FAM184A: variants seen among roughly 807,000 people sequenced by gnomAD.
FAM184A encodes the protein protein FAM184A.
Under a neutral mutation model 143.8 loss-of-function variants are expected in FAM184A, and 99 were observed. The observed-to-expected ratio is 0.69, with a 90% CI of 0.58 to 0.81. The LOEUF is 0.81. Ranked by LOEUF, FAM184A falls within the 40% of genes least tolerant of loss-of-function variation. The pLI is 0.00. For synonymous variants in FAM184A, 427 were observed against 446.4 expected (o/e 0.96, Z 0.55); for missense variants, 1,217 against 1,310.5 (o/e 0.93, Z 1.10).
chr6:119,102,694 G>A (rs1211933538), intron 1 of FAM184A, among the ~76,000 whole-genome samples: 1 of 146,040 alleles, frequency 6.8e-6, no homozygotes, highest in Non-Finnish European at 1.5e-5. Context: ...GGAGGCTGAG[G>A]CAGGAGAATC....
chr6:118,974,928 C>T, intron 13 of FAM184A, 96 bp downstream of exon 13: 1 of 931,134 alleles, frequency 1.1e-6, no homozygotes, highest in Non-Finnish European at 1.6e-6. Flanking sequence ...ACTAGAGAGC[C>T]AGTCTAGTCA....
chr6:119,108,302 A>G (rs1317489806), intron 1 of FAM184A, among the ~76,000 whole-genome samples: 1 of 152,058 alleles, frequency 6.6e-6, no homozygotes, highest in Non-Finnish European at 1.5e-5. Context: ...GTTGAATGAG[A>G]TTGGAGCACC....
chr6:118,960,324 C>G (rs780603850), intron 17 of FAM184A, 140 bp from the exon 18 acceptor site: 2 of 634,610 alleles, frequency 3.2e-6, no homozygotes, highest in Admixed American at 2.9e-5. Context: ...TTTGCTACCC[C>G]CTCTATACTA....
At chr6:119,129,720 G>T (rs777944956) in intron 1 of FAM184A, among the ~76,000 whole-genome samples, 3 of 124,994 alleles carry the variant, frequency 2.4e-5, no homozygotes, top group Admixed American at 8.1e-5. Flanking sequence ...TTGTGTGTGT[G>T]TGTGGGGGGT....
At chr6:119,112,241 C>T (rs897064142) in intron 1 of FAM184A, among the ~76,000 whole-genome samples, 4 of 151,926 alleles carry the variant, frequency 2.6e-5, no homozygotes, top group Admixed American at 6.6e-5. Flanking sequence ...AAGCAATTCT[C>T]CTGCCTCAGC....
At chr6:119,033,479 C>T (rs1219326479) in intron 1 of FAM184A, among the ~76,000 whole-genome samples, 1 of 151,758 alleles carries the variant, frequency 6.6e-6, no homozygotes, top group Non-Finnish European at 1.5e-5. Context: ...GCCTGGTCAA[C>T]ATGGTGAAAC....
intron 6 of FAM184A, among the ~76,000 whole-genome samples, chr6:119,007,460 G>A (rs190153343): frequency 6.6e-6 from 1 of 151,806 alleles, no homozygotes; most frequent in Non-Finnish European, 1.5e-5. Context: ...CTCTATGCAG[G>A]TATATGCTCT....
At chr6:119,045,593 C>T (rs1310684669) in intron 1 of FAM184A, among the ~76,000 whole-genome samples, 1 of 152,094 alleles carries the variant, frequency 6.6e-6, no homozygotes, top group East Asian at 1.9e-4. Flanking sequence ...GGCAGAAGAA[C>T]AGTGGAGAGG....
At chr6:119,052,860 T>A (rs1293752103) in intron 1 of FAM184A, among the ~76,000 whole-genome samples, 1 of 152,230 alleles carries the variant, frequency 6.6e-6, no homozygotes, top group Non-Finnish European at 1.5e-5. Flanking sequence ...GGTACCCCAA[T>A]ATAATGAATC....
chr6:119,073,849 T>C (rs1387465215), intron 1 of FAM184A, among the ~76,000 whole-genome samples: 1 of 152,188 alleles, frequency 6.6e-6, no homozygotes, highest in Non-Finnish European at 1.5e-5. Context: ...CTAGCAGAGT[T>C]TGTGCAAAGA....
upstream of FAM184A, chr6:119,078,691 C>T: frequency 6.2e-6 from 1 of 160,116 alleles, no homozygotes; most frequent in Non-Finnish European, 1.4e-5. The surrounding 1 kb of genome is among the most constrained non-coding windows in gnomAD (Gnocchi z 5.5). Flanking sequence ...ACGGGGCGGG[C>T]TGCGGCGGGG....
intron 1 of FAM184A, among the ~76,000 whole-genome samples, chr6:119,040,933 G>A (rs1372050128): frequency 6.6e-6 from 1 of 152,166 alleles, no homozygotes; most frequent in Non-Finnish European, 1.5e-5. Context: ...GTGAACAAAT[G>A]TTGCACTCTT....
At chr6:119,087,582 A>G (rs897005303) in intron 1 of FAM184A, among the ~76,000 whole-genome samples, 13 of 152,234 alleles carry the variant, frequency 8.5e-5, no homozygotes, top group Admixed American at 8.5e-4. Context: ...AAAACAAAAC[A>G]AACCCAAACA....
intron 17 of FAM184A, chr6:118,960,917 G>T: frequency 1.1e-6 from 1 of 944,164 alleles, no homozygotes; most frequent in Non-Finnish European, 1.5e-6. Context: ...TTTAGCAGGA[G>T]ACAAATTCAG....
Position 119,078,003 on chromosome 6 carries a change from G to A in FAM184A, c.159+138C>T. On this transcript the variant is annotated intron_variant, in intron 1 of 17. Coordinates refer to ENST00000338891, the MANE Select transcript of FAM184A (RefSeq NM_024581.6). This position sits in a 1 kb window ranked among gnomAD's most constrained non-coding sequence, Gnocchi z 5.5. ...CACCAAAGTTTGCAGGGTTTTGGAG[G>A]TGTCTCCGGCTGTTGCTTCGGCGGA... is the stretch of plus-strand genomic sequence containing the variant. The A allele has an allele frequency of 1.0e-6, 1 of 991,328 alleles. No individual in the cohort carries two copies. The highest frequency in any genetic ancestry group is 1.4e-6 in the Non-Finnish European group (1 of 694,174). 61.4% of individuals were successfully genotyped at this position (991,328 alleles called of 1,614,324 possible).
intron 1 of FAM184A, among the ~76,000 whole-genome samples, chr6:119,074,629 C>G (rs1477044216): frequency 6.6e-6 from 1 of 152,092 alleles, no homozygotes; most frequent in African/African-American, 2.4e-5. Flanking sequence ...ATAATTACAT[C>G]CCACAAGGCC....
At chr6:118,985,779 A>G (rs1784172972) in intron 9 of FAM184A, among the ~76,000 whole-genome samples, 1 of 152,236 alleles carries the variant, frequency 6.6e-6, no homozygotes, top group Non-Finnish European at 1.5e-5. Flanking sequence ...TTTCAAATAT[A>G]TAAAACATTA....
chr6:119,020,124 G>T lies in FAM184A; in HGVS notation c.1186C>A (p.Gln396Lys). Reference protein sequence around the residue: ...IGMLQATQMTQEVTIKDLESE... With the variant: ...IGMLQATQMTKEVTIKDLESE... ...TCTAAATCTTTAATTGTAACTTCCTGGGTCATTTGAGTTGCTTGAAGCATT... is the reference window on the plus strand; with the variant it reads ...TCTAAATCTTTAATTGTAACTTCCTTGGTCATTTGAGTTGCTTGAAGCATT... Residue 396 changes from glutamine (Q) to lysine (K), a missense_variant, in exon 4 of 18, where the codon CAG (glutamine) becomes AAG (lysine). Transcript: ENST00000338891. 6.3e-7 allele frequency: 1 copy of T among 1,599,812 alleles called. No individual in the cohort carries two copies.
chr6:119,042,776 T>C (rs1385168186), intron 1 of FAM184A, among the ~76,000 whole-genome samples: 1 of 152,192 alleles, frequency 6.6e-6, no homozygotes, highest in Non-Finnish European at 1.5e-5. Flanking sequence ...TGTGTCAATG[T>C]AGGTCTAATG....
Sources: allele counts gnomAD v4.1 joint callset (sites outside exome capture counted in the v4.1 genomes callset), GRCh38; gene constraint gnomAD v4.1.1; non-coding constraint Gnocchi (gnomAD v3.1); transcripts MANE v1.5; gene names NCBI Gene and HGNC (gene_info 2026-07-23, HGNC 2026-07-21).